Variants in FRMPD4 observed in about 807,000 individuals in gnomAD.
FRMPD4 encodes the protein FERM and PDZ domain-containing protein 4.
A neutral mutation model predicts 94.1 loss-of-function variants in FRMPD4; 22 were observed. That is an observed-to-expected ratio of 0.23 (90% CI 0.17 to 0.33). The LOEUF (loss-of-function observed/expected upper bound fraction) is 0.33, where lower values mean the gene tolerates loss of function less well. Among genes scored for constraint, FRMPD4 ranks in the 10% least tolerant of loss-of-function variants. The probability of loss-of-function intolerance (pLI) is 1.00; values close to 1 mark genes in which losing one functional copy is unlikely to be tolerated. For missense variants in FRMPD4, 1,111 were observed against 1,339.9 expected (o/e 0.83, Z 2.67); for synonymous variants, 631 against 548.6 (o/e 1.15, Z -2.10).
chrX:12,309,660 G>A (rs5978515), intron 1 of FRMPD4, among the ~76,000 whole-genome samples: 45,254 of 111,323 alleles, frequency 0.41, 6,836 homozygotes, highest in Admixed American at 0.55. Flanking sequence ...CACAGTAAAT[G>A]TTTGTTCAAT....
chrX:12,210,644 G>A (rs2056744728), intron 1 of FRMPD4, among the ~76,000 whole-genome samples: 1 of 110,576 alleles, frequency 9.0e-6, no homozygotes, highest in Non-Finnish European at 1.9e-5. Context: ...GCTTGGCGGT[G>A]CTCCCAGTGA....
chrX:12,137,805 G>GGTTTT (rs758814701), upstream of FRMPD4, among the ~76,000 whole-genome samples: 8 of 112,272 alleles, frequency 7.1e-5, no homozygotes, highest in African/African-American at 1.9e-4. Context: ...TCTCCGGCAA[G>GGTTTT]GTTTTGTTTT....
At chrX:11,949,799 G>T (rs1005866830) in intron 3 of FRMPD4, among the ~76,000 whole-genome samples, 1 of 111,329 alleles carries the variant, frequency 9.0e-6, no homozygotes, top group Non-Finnish European at 1.9e-5. Context: ...CCAGTGAGTT[G>T]CCCGATGGTT....
intron 1 of FRMPD4, among the ~76,000 whole-genome samples, chrX:12,481,942 CAAAAAAAAAAAAAAAAAA>C (rs56366427): frequency 8.6e-5 from 1 of 11,580 alleles, no homozygotes; most frequent in African/African-American, 2.7e-4. Flanking sequence ...GACTACATCT[CAAAAAAAAAAAAAAAAAA>C]AAAAAAAAAA....
chrX:11,886,245 C>T (rs1329184278), intron 3 of FRMPD4, among the ~76,000 whole-genome samples: 1 of 111,818 alleles, frequency 8.9e-6, no homozygotes, highest in Non-Finnish European at 1.9e-5. Context: ...CGAATATGCA[C>T]CCCAAGTTTT....
At chrX:11,931,541 G>A (rs2054122327) in intron 3 of FRMPD4, among the ~76,000 whole-genome samples, 1 of 111,904 alleles carries the variant, frequency 8.9e-6, no homozygotes, top group African/African-American at 3.2e-5. Flanking sequence ...CTTCTTACAT[G>A]GTGGTTTAAG....
At chrX:11,904,355 T>C in intron 3 of FRMPD4, among the ~76,000 whole-genome samples, 1 of 112,155 alleles carries the variant, frequency 8.9e-6, no homozygotes, top group African/African-American at 3.2e-5. Flanking sequence ...GGAGAGACTT[T>C]GCCACTAGGC....
intron 1 of FRMPD4, among the ~76,000 whole-genome samples, chrX:12,421,655 G>A (rs1470834192): frequency 1.8e-5 from 2 of 108,606 alleles, no homozygotes; most frequent in Non-Finnish European, 3.8e-5. Flanking sequence ...GCTACCCCAG[G>A]AGGCTGAGGT....
intron 1 of FRMPD4, among the ~76,000 whole-genome samples, chrX:12,452,780 T>A (rs2057288105): frequency 8.9e-6 from 1 of 112,070 alleles, no homozygotes; most frequent in South Asian, 3.7e-4. Context: ...CTGATGAGAC[T>A]AAAATTGCTA....
intron 3 of FRMPD4, among the ~76,000 whole-genome samples, chrX:12,085,396 C>T (rs1247314811): frequency 9.0e-6 from 1 of 111,152 alleles, no homozygotes; most frequent in East Asian, 2.8e-4. Flanking sequence ...TAGCTAGATG[C>T]AGTGTCTCAT....
At chrX:12,145,504 T>C (rs1397161544) in intron 1 of FRMPD4, among the ~76,000 whole-genome samples, 1 of 113,028 alleles carries the variant, frequency 8.8e-6, no homozygotes, top group Non-Finnish European at 1.9e-5. Context: ...CCCAACTGAA[T>C]TGTGGCTCAG....
At chrX:12,413,410 G>A (rs1396208247) in intron 1 of FRMPD4, among the ~76,000 whole-genome samples, 1 of 111,982 alleles carries the variant, frequency 8.9e-6, no homozygotes, top group East Asian at 2.8e-4. Context: ...TCTCCTTCTA[G>A]GGAAATCCAA....
chrX:12,249,707 A>G (rs1348156512), intron 1 of FRMPD4, among the ~76,000 whole-genome samples: 1 of 111,876 alleles, frequency 8.9e-6, no homozygotes, highest in Non-Finnish European at 1.9e-5. Context: ...ACTGAGAGAG[A>G]AAGAAGACCA....
At chrX:12,025,145 G>A (rs1883842133) in intron 3 of FRMPD4, among the ~76,000 whole-genome samples, 1 of 109,064 alleles carries the variant, frequency 9.2e-6, no homozygotes, top group East Asian at 2.9e-4. Context: ...TTTCTTCTGT[G>A]TAACCTAAAA....
chrX:11,871,034 G>T (rs996965321), intron 2 of FRMPD4, among the ~76,000 whole-genome samples: 1 of 112,673 alleles, frequency 8.9e-6, no homozygotes, highest in Non-Finnish European at 1.9e-5. Context: ...TGTGCTGCAA[G>T]CACCTATGGC....
chrX:12,629,657 G>A (rs777632889), intron 4 of FRMPD4, among the ~76,000 whole-genome samples: 9 of 112,032 alleles, frequency 8.0e-5, no homozygotes, highest in Non-Finnish European at 1.3e-4. Context: ...TATTACCAGC[G>A]GCATCACTAT....
intron 1 of FRMPD4, among the ~76,000 whole-genome samples, chrX:11,841,944 C>T (rs1197484051): frequency 9.0e-6 from 1 of 111,214 alleles, no homozygotes; most frequent in Non-Finnish European, 1.9e-5. Context: ...AGGAGGGGAT[C>T]CAGTTTTAGC....
chrX:12,377,957 G>C (rs1243962178), intron 1 of FRMPD4, among the ~76,000 whole-genome samples: 2 of 112,608 alleles, frequency 1.8e-5, no homozygotes, highest in Non-Finnish European at 3.8e-5. Context: ...TGTGCAAACA[G>C]AACAGTCTGG....
chrX:12,588,870 T>C (rs1332036465), intron 2 of FRMPD4, among the ~76,000 whole-genome samples: 2 of 112,491 alleles, frequency 1.8e-5, no homozygotes, highest in African/African-American at 6.5e-5. Flanking sequence ...TTTTTTCTTT[T>C]TTTCCAGTGA....
Sources: gnomAD v4.1 joint callset for allele counts (sites outside exome capture counted in the v4.1 genomes callset) on GRCh38, gnomAD v4.1.1 for gene constraint, MANE v1.5 for transcripts, NCBI Gene and HGNC (gene_info 2026-07-23, HGNC 2026-07-21) for gene names.